The following SLC4A5 variants were observed in gnomAD, a reference collection of about 807,000 sequenced individuals.
SLC4A5 encodes the protein solute carrier family 4 member 5.
Under a neutral mutation model 120.4 loss-of-function variants are expected in SLC4A5, and 96 were observed. The ratio of observed to expected loss-of-function variants is 0.80; its 90% CI spans 0.68 to 0.94. SLC4A5 has a LOEUF of 0.94. Among genes scored for constraint, SLC4A5 ranks in the 40% least tolerant of loss-of-function variants. SLC4A5 has a pLI of 0.00. For missense variants in SLC4A5, 1,259 were observed against 1,459.5 expected, an observed-to-expected ratio of 0.86 and a Z score of 2.24; for synonymous variants, 550 against 571.1, an observed-to-expected ratio of 0.96 and a Z score of 0.53.
At position 74,222,964 on chromosome 2, in the gene SLC4A5, CA is replaced by C; in HGVS notation, c.3247-13del. Reference sequence around the variant, plus strand: ...GGAGGGAACTGGGGCTGGAGAAAAACAGTGGGAAAAGAGGATAAACACCAAC... The same window carrying C: ...GGAGGGAACTGGGGCTGGAGAAAAACGTGGGAAAAGAGGATAAACACCAAC... On this transcript the variant is annotated splice_polypyrimidine_tract_variant and intron_variant, in intron 28 of 30. Coordinates refer to ENST00000394019, the Ensembl canonical transcript of SLC4A5. 1 of 1,579,312 alleles carries C rather than the reference CA, an allele frequency of 6.3e-7. No individual in the cohort carries two copies. The highest frequency in any genetic ancestry group is 8.6e-7 in the Non-Finnish European group (1 of 1,159,546).
intron 11 of SLC4A5, among the ~76,000 whole-genome samples, chr2:74,261,194 T>C (rs1229295187): frequency 2.0e-5 from 3 of 152,222 alleles, no homozygotes; most frequent in African/African-American, 7.2e-5. Context: ...CTTGTCCCAG[T>C]GGTTCCCACC....
At chr2:74,326,932 C>T (rs1274403709) in intron 5 of SLC4A5, among the ~76,000 whole-genome samples, 1 of 152,176 alleles carries the variant, frequency 6.6e-6, no homozygotes, top group East Asian at 1.9e-4. Context: ...ACACAGCTAG[C>T]TTTAAAGATG....
intron 29 of SLC4A5, among the ~76,000 whole-genome samples, chr2:74,221,865 C>T (rs532488576): frequency 9.1e-4 from 138 of 152,212 alleles, no homozygotes; most frequent in African/African-American, 3.1e-3. Flanking sequence ...ATTAGAAGCA[C>T]GGGGCTCGGG....
In SLC4A5 at chr2:74,238,022, A is replaced by T. The variant is rs935343160; in HGVS notation, c.2319+1313T>A. On this transcript the variant is annotated intron_variant, in intron 21 of 30. Transcript: ENST00000394019. ...GAGGCTGAGGCAGGAGAATCACTTGAACCCGGGAGGCGGAGGTTGCAGTGA... is the reference window on the plus strand; with the variant it reads ...GAGGCTGAGGCAGGAGAATCACTTGTACCCGGGAGGCGGAGGTTGCAGTGA... 7.2e-5 allele frequency among the ~76,000 whole-genome samples: 11 copies of T among 152,104 alleles called. 1 individual carries two copies. Among genetic ancestry groups the T allele is most frequent in the Admixed American group, 2.0e-4 (3 of 15,264 alleles).
intron 7 of SLC4A5, chr2:74,290,417 G>C: frequency 1.0e-6 from 1 of 985,522 alleles, no homozygotes; most frequent in South Asian, 4.7e-5. Context: ...GAGAGAAGAA[G>C]GGGGGTTTGA....
At chr2:74,311,550 T>C (rs1206393377) in intron 6 of SLC4A5, among the ~76,000 whole-genome samples, 1 of 152,110 alleles carries the variant, frequency 6.6e-6, no homozygotes, top group Admixed American at 6.5e-5. Flanking sequence ...AGACTTCTTC[T>C]TTGACTACTC....
intron 6 of SLC4A5, chr2:74,306,974 C>A: frequency 1.7e-6 from 1 of 601,430 alleles, no homozygotes. Flanking sequence ...TCTGTGCCAG[C>A]TCTGATTCCA....
At chr2:74,274,536 G>T (rs2104101275) in intron 8 of SLC4A5, among the ~76,000 whole-genome samples, 1 of 152,278 alleles carries the variant, frequency 6.6e-6, no homozygotes, top group South Asian at 2.1e-4. Flanking sequence ...ATGGGTCAAG[G>T]GTCAGCACAC....
At chr2:74,261,881 A>G (rs928300097) in intron 11 of SLC4A5, among the ~76,000 whole-genome samples, 2 of 152,172 alleles carry the variant, frequency 1.3e-5, no homozygotes, top group Non-Finnish European at 2.9e-5. Flanking sequence ...CACCTAGAAT[A>G]TGGGAGTGGG....
Position 74,255,483 on chromosome 2 carries a change from C to T in SLC4A5, c.1025+292G>A, listed in dbSNP as rs1209302732. Among the ~76,000 whole-genome samples the T allele has an allele frequency of 1.3e-5, 2 of 151,886 alleles. No individual in the cohort carries two copies. The highest frequency in any genetic ancestry group is 2.4e-5 in the African/African-American group (1 of 41,348). On this transcript the variant is annotated intron_variant, in intron 13 of 30. Transcript: ENST00000394019. The surrounding 1 kb of genome is among the most constrained non-coding windows in gnomAD (Gnocchi z 4.0). ...AATTTTTTTGTATTTTTAGTAGAGA[C>T]GGGGTTTCACCTTGTTGGCCAGGCT...
intron 7 of SLC4A5, among the ~76,000 whole-genome samples, chr2:74,300,121 C>T (rs1382703859): frequency 6.6e-6 from 1 of 152,200 alleles, no homozygotes; most frequent in Admixed American, 6.5e-5. Context: ...TAAGCCAGAA[C>T]TATTGCATGT....
At chr2:74,335,638 A>G (rs532813962) in intron 3 of SLC4A5, among the ~76,000 whole-genome samples, 18 of 152,326 alleles carry the variant, frequency 1.2e-4, no homozygotes, top group Admixed American at 2.0e-4. Context: ...TAGCCTCTAG[A>G]GACATCTGGG....
intron 14 of SLC4A5, among the ~76,000 whole-genome samples, chr2:74,253,613 A>C (rs1180026063): frequency 6.6e-6 from 1 of 152,204 alleles, no homozygotes; most frequent in Non-Finnish European, 1.5e-5. Context: ...AGGCAAAAAA[A>C]AAAAGTGCAG....
chr2:74,247,249 G>C lies in SLC4A5; in HGVS notation c.1846C>G (p.Gln616Glu), dbSNP rs1424416106. ...TCTGTGGCCACTAGGATAAGGCACT[G>C]GACAGCTGAGTGTAGGCCAATCCAG... The change falls in exon 19 of 31, where the codon CAG (glutamine) becomes GAG (glutamate). Residue 616 changes from glutamine to glutamate, a missense_variant. Gln to Glu is a conservative substitution (Grantham distance 29, BLOSUM62 2). Transcript: ENST00000394019. 3 of 1,614,056 alleles carry C rather than the reference G, an allele frequency of 1.9e-6. No individual in the cohort carries two copies. In the African/African-American group the frequency reaches 4.0e-5, roughly 22 times the overall value.
chr2:74,227,892 A>G lies in SLC4A5; in HGVS notation c.2848-14T>C. ...CAGGGGGATACACTAAAATGAGAGC[A>G]GAGCTTTGGATCGGCCTCTGCCTGG... On this transcript the variant is annotated splice_polypyrimidine_tract_variant and intron_variant, in intron 25 of 30. Transcript: ENST00000394019. 6.3e-6 allele frequency: 10 copies of G among 1,596,194 alleles called. No homozygotes were observed. The highest frequency in any genetic ancestry group is 8.5e-6 in the Non-Finnish European group (10 of 1,171,900).
intron 30 of SLC4A5, among the ~76,000 whole-genome samples, chr2:74,219,488 A>C (rs1428243294): frequency 3.3e-5 from 5 of 152,196 alleles, no homozygotes; most frequent in African/African-American, 4.8e-5. Flanking sequence ...ATCATGTTGC[A>C]GAGCCTTTCA....
chr2:74,265,562 C>T (rs1671277601), intron 8 of SLC4A5, among the ~76,000 whole-genome samples: 1 of 152,218 alleles, frequency 6.6e-6, no homozygotes, highest in Non-Finnish European at 1.5e-5. Flanking sequence ...CAATTCCATA[C>T]ATTTTCTAAA....
chr2:74,326,983 A>G (rs1001487985), intron 5 of SLC4A5, among the ~76,000 whole-genome samples: 1 of 152,176 alleles, frequency 6.6e-6, no homozygotes, highest in Non-Finnish European at 1.5e-5. Context: ...TGATAGAATC[A>G]TCTGGTGTTT....
Position 74,232,662 on chromosome 2 carries a change from T to C in SLC4A5, c.2596-15A>G. Reference sequence around the variant, plus strand: ...CCGGCAGCCTTCTGCAGGAGCGGGGTTGGGGGAGGGAGAAGTTTCTGGGGA... The same window carrying C: ...CCGGCAGCCTTCTGCAGGAGCGGGGCTGGGGGAGGGAGAAGTTTCTGGGGA... On this transcript the variant is annotated splice_polypyrimidine_tract_variant and intron_variant, in intron 23 of 30. Transcript: ENST00000394019. 6.2e-7 allele frequency: 1 copy of C among 1,607,952 alleles called. No homozygotes were observed. Among genetic ancestry groups the C allele is most frequent in the Non-Finnish European group, 8.5e-7 (1 of 1,178,256 alleles).
Sources: gnomAD v4.1 joint callset for allele counts (sites outside exome capture counted in the v4.1 genomes callset) on GRCh38, gnomAD v4.1.1 for gene constraint, Gnocchi (gnomAD v3.1) non-coding constraint, MANE v1.5 for transcripts, NCBI Gene and HGNC (gene_info 2026-07-23, HGNC 2026-07-21) for gene names.